Variants in ELL observed in about 807,000 individuals in gnomAD.
ELL encodes the protein RNA polymerase II elongation factor ELL.
A neutral mutation model predicts 64.0 loss-of-function variants in ELL; 18 were observed. The observed-to-expected ratio is 0.28, with a 90% CI of 0.19 to 0.42. The LOEUF (loss-of-function observed/expected upper bound fraction) is 0.42, where lower values mean the gene tolerates loss of function less well. ELL is among the 10% of genes least tolerant of loss of function. The pLI, the probability that ELL is intolerant of heterozygous loss-of-function variation, is 1.00. For missense variants in ELL, 797 were observed against 870.4 expected (o/e 0.92, Z 1.06); for synonymous variants, 399 against 376.2 (o/e 1.06, Z -0.70).
At chr19:18,472,718 T>G in intron 2 of ELL, 117 bp downstream of exon 2, 1 of 1,279,596 alleles carries the variant, frequency 7.8e-7, no homozygotes, top group Non-Finnish European at 1.1e-6. Context: ...CCTTGCATGG[T>G]GGCAGACAGG....
rs746600505 is a variant in ELL, at chr19:18,450,529, T to G, written c.1413A>C (p.Pro471=). 6.2e-7 allele frequency: 1 copy of G among 1,613,300 alleles called. No homozygotes were observed. The highest frequency in any genetic ancestry group is 8.5e-7 in the Non-Finnish European group (1 of 1,179,946). ...AAEDKPRAQL[P]DCAPATHATP... ...TGGCATGGGTGGCAGGTGCACAGTC[T>G]GGAAGCTGGGCCCGGGGCTTGTCCT... is the stretch of plus-strand genomic sequence containing the variant. The change falls in exon 8 of 12, where the codon CCA becomes CCC. Residue 471 remains proline (P), a synonymous_variant. Transcript: ENST00000262809.
At chr19:18,484,771 T>G (rs1486493804) in intron 1 of ELL, among the ~76,000 whole-genome samples, 1 of 152,214 alleles carries the variant, frequency 6.6e-6, no homozygotes, top group African/African-American at 2.4e-5. Flanking sequence ...GTTTTTCTTT[T>G]TAATCATTCA....
intron 1 of ELL, among the ~76,000 whole-genome samples, chr19:18,477,211 G>A (rs1299729044): frequency 6.6e-6 from 1 of 152,130 alleles, no homozygotes; most frequent in African/African-American, 2.4e-5. Context: ...ACGGAGGATC[G>A]GAATGAAACG....
chr19:18,461,107 C>T (rs1974802800), intron 5 of ELL, among the ~76,000 whole-genome samples: 1 of 152,192 alleles, frequency 6.6e-6, no homozygotes, highest in Non-Finnish European at 1.5e-5. Context: ...CTGCAGGTCA[C>T]AGATGGAAGC....
intron 1 of ELL, among the ~76,000 whole-genome samples, chr19:18,498,201 T>C (rs1014115112): frequency 1.3e-5 from 2 of 151,720 alleles, no homozygotes; most frequent in Non-Finnish European, 2.9e-5. Flanking sequence ...GATGGGACAC[T>C]GAGAATGGGG....
chr19:18,512,029 C>T (rs8112859), intron 1 of ELL, among the ~76,000 whole-genome samples: 31,912 of 151,872 alleles, frequency 0.21, 3,436 homozygotes, highest in Admixed American at 0.25. Flanking sequence ...GTGGCAGATG[C>T]CTGTAATCCC....
At chr19:18,492,557 C>T (rs900297667) in intron 1 of ELL, among the ~76,000 whole-genome samples, 2 of 152,182 alleles carry the variant, frequency 1.3e-5, no homozygotes, top group Admixed American at 6.5e-5. Context: ...CAGTGAGACT[C>T]GCTACTCAAT....
chr19:18,495,741 T>C (rs1600487985), intron 1 of ELL, among the ~76,000 whole-genome samples: 1 of 152,086 alleles, frequency 6.6e-6, no homozygotes, highest in African/African-American at 2.4e-5. Flanking sequence ...TCTGGGGCAG[T>C]ATGCACTGCA....
At chr19:18,475,852 C>G (rs1482738998) in intron 1 of ELL, 2 of 152,160 alleles carry the variant, frequency 1.3e-5, no homozygotes, top group Non-Finnish European at 2.9e-5. Context: ...TACACCTTCC[C>G]AACTGCCCTT....
At chr19:18,445,450 G>A in intron 10 of ELL, 182 bp from the exon 11 acceptor site, 1 of 591,026 alleles carries the variant, frequency 1.7e-6, no homozygotes, top group African/African-American at 1.9e-5. Flanking sequence ...GGGGCATGAG[G>A]GAAAGGCTGC....
intron 6 of ELL, among the ~76,000 whole-genome samples, chr19:18,456,188 G>T (rs1191471871): frequency 6.6e-6 from 1 of 152,178 alleles, no homozygotes; most frequent in East Asian, 1.9e-4. Context: ...CAGTAGGATA[G>T]GCCTTTCCAC....
Position 18,510,197 on chromosome 19 carries a change from GTC to G in ELL, c.135+11722_135+11723del, listed in dbSNP as rs1459164961. On this transcript the variant is annotated intron_variant, in intron 1 of 11. Coordinates refer to ENST00000262809, the MANE Select transcript of ELL (RefSeq NM_006532.4). Reference sequence around the variant, plus strand: ...AGCCTGGCCAGCATGGTGAAACCCCGTCTCTACTAAAAACACAAAAAACTTAG... The same window carrying G: ...AGCCTGGCCAGCATGGTGAAACCCCGTCTACTAAAAACACAAAAAACTTAG... Among the ~76,000 whole-genome samples, 3 of 152,170 alleles carry G rather than the reference GTC, an allele frequency of 2.0e-5. No individual in the cohort carries two copies. In the East Asian group the frequency reaches 5.8e-4, roughly 29 times the overall value.
chr19:18,470,881 G>A (rs538394667), intron 2 of ELL: 16 of 451,856 alleles, frequency 3.5e-5, no homozygotes, highest in Admixed American at 1.4e-4. Context: ...GCCCACAGTC[G>A]TCTGAGCCCA....
At chr19:18,460,935 AG>A (rs895025938) in intron 5 of ELL, among the ~76,000 whole-genome samples, 3 of 152,180 alleles carry the variant, frequency 2.0e-5, no homozygotes, top group African/African-American at 7.2e-5. Context: ...CAGGGACCCC[AG>A]GAAGCCAAGG....
At chr19:18,495,104 T>C (rs1600487195) in intron 1 of ELL, among the ~76,000 whole-genome samples, 2 of 152,156 alleles carry the variant, frequency 1.3e-5, no homozygotes, top group South Asian at 4.1e-4. Flanking sequence ...TGGGCACAAA[T>C]GTTGGAGTAG....
chr19:18,498,631 T>C (rs12985211), intron 1 of ELL, among the ~76,000 whole-genome samples: 1,787 of 152,228 alleles, frequency 0.012, 20 homozygotes, highest in Middle Eastern at 0.034. Context: ...CTCAGGACAT[T>C]GCTGCCCCCG....
At chr19:18,505,171 G>A (rs191910952) in intron 1 of ELL, among the ~76,000 whole-genome samples, 16 of 152,178 alleles carry the variant, frequency 1.1e-4, no homozygotes, top group Admixed American at 9.2e-4. Flanking sequence ...CCACTGTCCC[G>A]TAGCCCCCAC....
intron 1 of ELL, chr19:18,473,335 G>GC: frequency 2.6e-6 from 1 of 384,186 alleles, no homozygotes; most frequent in Non-Finnish European, 5.3e-6. Flanking sequence ...GGCAAAAGCA[G>GC]CCCCCTCCAC....
chr19:18,460,195 G>A (rs893081255), intron 5 of ELL, among the ~76,000 whole-genome samples: 5 of 151,002 alleles, frequency 3.3e-5, no homozygotes, highest in African/African-American at 1.2e-4. Flanking sequence ...GCATGTCTGA[G>A]GGCCTGTGAG....
Sources: allele counts gnomAD v4.1 joint callset (sites outside exome capture counted in the v4.1 genomes callset), GRCh38; gene constraint gnomAD v4.1.1; transcripts MANE v1.5; gene names NCBI Gene and HGNC (gene_info 2026-07-23, HGNC 2026-07-21).